Variants in PRELID2 observed in about 807,000 individuals in gnomAD.
PRELID2 encodes the protein PRELI domain containing 2.
Under a neutral mutation model 28.4 loss-of-function variants are expected in PRELID2, and 25 were observed. The observed-to-expected ratio is 0.88, with a 90% CI of 0.64 to 1.23. The LOEUF is 1.23. PRELID2 is among the 50% of genes most tolerant of loss of function. PRELID2 has a pLI of 0.00. For missense variants in PRELID2, 201 were observed against 214.4 expected (o/e 0.94, Z 0.39); for synonymous variants, 76 against 71.6 (o/e 1.06, Z -0.31).
the PRELID2 span, among the ~76,000 whole-genome samples, chr5:145,386,928 T>C: frequency 2.0e-5 from 3 of 152,200 alleles, no homozygotes; most frequent in Non-Finnish European, 4.4e-5. Context: ...TAAAATTGAA[T>C]GGCTGGTTAT....
the PRELID2 span, among the ~76,000 whole-genome samples, chr5:145,287,447 G>T: frequency 6.6e-6 from 1 of 152,030 alleles, no homozygotes; most frequent in African/African-American, 2.4e-5. Flanking sequence ...TAACAAATAT[G>T]CTGAAAAAAG....
chr5:145,431,581 C>T, the PRELID2 span, among the ~76,000 whole-genome samples: 1 of 152,162 alleles, frequency 6.6e-6, no homozygotes, highest in African/African-American at 2.4e-5. Flanking sequence ...TGATAGGATG[C>T]AGCAAGAAAG....
At chr5:145,296,642 C>T in the PRELID2 span, among the ~76,000 whole-genome samples, 1 of 152,122 alleles carries the variant, frequency 6.6e-6, no homozygotes, top group South Asian at 2.1e-4. Context: ...AATAGTGCCG[C>T]AATAAACATA....
At chr5:145,313,318 T>C in the PRELID2 span, among the ~76,000 whole-genome samples, 1 of 152,238 alleles carries the variant, frequency 6.6e-6, no homozygotes, top group Non-Finnish European at 1.5e-5. Context: ...TGTCTATCTT[T>C]CAGCAAATCT....
chr5:145,680,341 C>T (rs1754907752), intron 1 of PRELID2, among the ~76,000 whole-genome samples: 1 of 152,200 alleles, frequency 6.6e-6, no homozygotes, highest in African/African-American at 2.4e-5. Flanking sequence ...TGTAGAACTT[C>T]AGCTCAAACA....
chr5:145,609,694 GA>G (rs1753583941), intron 1 of PRELID2, among the ~76,000 whole-genome samples: 1 of 152,248 alleles, frequency 6.6e-6, no homozygotes, highest in African/African-American at 2.4e-5. Flanking sequence ...GTGCTTCCCA[GA>G]AGAACAGGAG....
At chr5:145,440,747 T>C in the PRELID2 span, 1 of 152,104 alleles carries the variant, frequency 6.6e-6, no homozygotes, top group African/African-American at 2.4e-5. Context: ...AATTACAACT[T>C]CTTAATGATC....
the PRELID2 span, among the ~76,000 whole-genome samples, chr5:145,371,656 C>T: frequency 6.6e-6 from 1 of 151,892 alleles, no homozygotes; most frequent in Non-Finnish European, 1.5e-5. Flanking sequence ...CCCTTCTTTT[C>T]AATTCTTTGG....
chr5:145,629,598 TGTGCC>T (rs1209831534), intron 1 of PRELID2, among the ~76,000 whole-genome samples: 1 of 152,204 alleles, frequency 6.6e-6, no homozygotes, highest in Non-Finnish European at 1.5e-5. Flanking sequence ...AGGCTTAATA[TGTGCC>T]AGGCACTTTG....
the PRELID2 span, among the ~76,000 whole-genome samples, chr5:145,318,351 C>T: frequency 6.6e-6 from 1 of 152,126 alleles, no homozygotes; most frequent in Admixed American, 6.5e-5. Flanking sequence ...CTCTCATGAC[C>T]TGAGTTTTAT....
intron 1 of PRELID2, among the ~76,000 whole-genome samples, chr5:145,744,045 C>T (rs1200314144): frequency 6.6e-6 from 1 of 152,244 alleles, no homozygotes; most frequent in African/African-American, 2.4e-5. Context: ...CCCAACACAC[C>T]AGCTGTGGCA....
At chr5:145,401,421 C>T in the PRELID2 span, among the ~76,000 whole-genome samples, 17 of 152,070 alleles carry the variant, frequency 1.1e-4, no homozygotes, top group Non-Finnish European at 2.4e-4. Flanking sequence ...TCTATTAATC[C>T]GGTGTTCAAA....
the PRELID2 span, among the ~76,000 whole-genome samples, chr5:145,239,481 G>A: frequency 6.6e-6 from 1 of 152,002 alleles, no homozygotes; most frequent in Non-Finnish European, 1.5e-5. Context: ...AAAAATGACT[G>A]ACTGCTGAGG....
At chr5:145,409,025 C>T in the PRELID2 span, among the ~76,000 whole-genome samples, 1 of 152,162 alleles carries the variant, frequency 6.6e-6, no homozygotes, top group Non-Finnish European at 1.5e-5. Context: ...GATTTCTCAG[C>T]AGAAACCCTA....
the PRELID2 span, among the ~76,000 whole-genome samples, chr5:145,342,250 GT>G: frequency 6.6e-6 from 1 of 151,996 alleles, no homozygotes; most frequent in Non-Finnish European, 1.5e-5. Context: ...ACAAAAAAAG[GT>G]TCAAAAGAGT....
chr5:145,817,447 A>G (rs1221060493), intron 4 of PRELID2, among the ~76,000 whole-genome samples: 1 of 130,252 alleles, frequency 7.7e-6, no homozygotes, highest in Non-Finnish European at 1.7e-5. Flanking sequence ...ATATATATAT[A>G]TCACATGGTT....
chr5:145,764,881 A>C, intron 6 of PRELID2, 50 bp downstream of exon 6: 1 of 1,371,182 alleles, frequency 7.3e-7, no homozygotes, highest in Non-Finnish European at 1.0e-6. Flanking sequence ...GCTGATAAGC[A>C]TGAAAATATG....
At position 145,713,350 on chromosome 5, in the gene PRELID2, T is replaced by TTATATATATATATA. The variant is rs148194664; in HGVS notation, n.70+51567_70+51580dup. The stretch of plus-strand genomic sequence containing the variant: ...AGAACTCTAAGAATGATATCTGACT[T>TTATATATATATATA]TATATATATATATATATATACTTTA... On this transcript the variant is annotated intron_variant and non_coding_transcript_variant, in intron 1 of 2. Transcript: ENST00000510259. Among the ~76,000 whole-genome samples the TTATATATATATATA allele has an allele frequency of 5.7e-3, 712 of 124,624 alleles. 11 individuals carry two copies. Among genetic ancestry groups the TTATATATATATATA allele is most frequent in the South Asian group, 0.011 (39 of 3,698 alleles). 81.8% of individuals were successfully genotyped at this position (124,624 alleles called of 152,430 possible).
At chr5:145,323,622 C>T in the PRELID2 span, among the ~76,000 whole-genome samples, 1 of 152,138 alleles carries the variant, frequency 6.6e-6, no homozygotes. Context: ...CTTGCACCTT[C>T]CATGTTCAAG....
Sources: allele counts gnomAD v4.1 joint callset (sites outside exome capture counted in the v4.1 genomes callset), GRCh38; gene constraint gnomAD v4.1.1; transcripts MANE v1.5; gene names NCBI Gene and HGNC (gene_info 2026-07-23, HGNC 2026-07-21).